The following USP3 variants were observed in gnomAD, a reference collection of about 807,000 sequenced individuals.
The protein encoded by USP3 is ubiquitin carboxyl-terminal hydrolase 3.
Under a neutral mutation model 72.3 loss-of-function variants are expected in USP3, and 20 were observed. The ratio of observed to expected loss-of-function variants is 0.28; its 90% confidence interval spans 0.19 to 0.40. The LOEUF (loss-of-function observed/expected upper bound fraction) is 0.40. USP3 is among the 10% of genes least tolerant of loss of function. The pLI is 1.00. For synonymous variants in USP3, 222 were observed against 225.3 expected (o/e 0.99, Z 0.13); for missense variants, 479 against 633.9 (o/e 0.76, Z 2.62).
chr15:63,563,466 C>G (rs1027491508), intron 8 of USP3, among the ~76,000 whole-genome samples: 3 of 152,228 alleles, frequency 2.0e-5, no homozygotes, highest in Admixed American at 6.5e-5. Context: ...CTGGGATGCA[C>G]TCTCCAGAAG....
chr15:63,504,958 G>A (rs2065689013), intron 1 of USP3, 128 bp downstream of exon 1: 4 of 596,214 alleles, frequency 6.7e-6, no homozygotes, highest in Non-Finnish European at 8.9e-6. Flanking sequence ...GGGCCCGGCG[G>A]GCTGGGGAGG....
chr15:63,536,971 T>G, intron 2 of USP3, 54 bp from the exon 3 acceptor site: 1 of 1,541,590 alleles, frequency 6.5e-7, no homozygotes, highest in South Asian at 1.2e-5. Context: ...CATTTCCTAC[T>G]CCTTTAATTT....
intron 11 of USP3, among the ~76,000 whole-genome samples, chr15:63,579,465 G>A (rs2066917697): frequency 1.3e-5 from 2 of 152,132 alleles, no homozygotes; most frequent in African/African-American, 2.4e-5. Flanking sequence ...TCAGTGGGAC[G>A]AATAAGAAAT....
At position 63,529,867 on chromosome 15, in the gene USP3, A is replaced by G. The variant is rs1469176157; in HGVS notation, c.92-2780A>G. On this transcript the variant is annotated intron_variant, in intron 1 of 14. Transcript: ENST00000380324. The surrounding 1 kb of genome is among the most constrained non-coding windows in gnomAD (Gnocchi z 4.2). ...GGGCCTAGGCCAGGTGCAGAGGCTC[A>G]TACCTATAATCTGGGCACTTTGGGA... 1.3e-5 allele frequency among the ~76,000 whole-genome samples: 2 copies of G among 152,250 alleles called. No homozygotes were observed. The highest frequency in any genetic ancestry group is 2.9e-5 in the Non-Finnish European group (2 of 68,036).
intron 2 of USP3, among the ~76,000 whole-genome samples, chr15:63,534,549 A>AT: frequency 6.6e-6 from 1 of 152,334 alleles, no homozygotes; most frequent in Admixed American, 6.5e-5. Flanking sequence ...TGAGGGAAAT[A>AT]TTTAATTTCC....
chr15:63,553,923 T>A lies in USP3; in HGVS notation c.368+125T>A. On this transcript the variant is annotated intron_variant, in intron 4 of 14. Coordinates refer to ENST00000380324, the MANE Select transcript of USP3 (RefSeq NM_006537.4). This position sits in a 1 kb window ranked among gnomAD's most constrained non-coding sequence, Gnocchi z 4.2. ...CATGTTTATAATATGATTGAAATGTTAATAAAATAAACCTTGGCTTTGGAT... is the reference window on the plus strand; with the variant it reads ...CATGTTTATAATATGATTGAAATGTAAATAAAATAAACCTTGGCTTTGGAT... The A allele has an allele frequency of 2.9e-6, 2 of 699,742 alleles. No homozygotes were observed. The highest frequency in any genetic ancestry group is 4.4e-6 in the Non-Finnish European group (2 of 449,808). 43.3% of individuals were successfully genotyped at this position (699,742 alleles called of 1,614,324 possible).
At position 63,588,871 on chromosome 15, in the gene USP3, A is replaced by C. The variant is rs2067127570; in HGVS notation, c.1329+56A>C. The C allele has an allele frequency of 6.2e-7, 1 of 1,610,392 alleles. No homozygotes were observed. Among genetic ancestry groups the C allele is most frequent in the Non-Finnish European group, 8.5e-7 (1 of 1,176,660 alleles). On this transcript the variant is annotated intron_variant, in intron 13 of 14. Transcript: ENST00000380324. The surrounding 1 kb of genome is among the most constrained non-coding windows in gnomAD (Gnocchi z 4.6). ...AAAATGGCTCTTCAGTAAGATTGTC[A>C]TCACATGGAGAGGGTAGAGGTCATC...
At position 63,557,424 on chromosome 15, in the gene USP3, G is replaced by T. The variant is rs973463466; in HGVS notation, c.450+676G>T. 2.6e-5 allele frequency among the ~76,000 whole-genome samples: 4 copies of T among 152,064 alleles called. No individual in the cohort carries two copies. The East Asian group carries it at 7.7e-4, about 29-fold the overall frequency. On this transcript the variant is annotated intron_variant, in intron 5 of 14. Transcript: ENST00000380324. ...ATTACAGGCACACGCCACCACGCCC[G>T]GCTAACTTTTTCTGTTTTAGTAGAG...
chr15:63,537,043 A>G lies in USP3; in HGVS notation c.171A>G (p.Ala57=), dbSNP rs746421914. The part of the protein sequence containing the change: ...VHCGRYVNGH[A]KKHYEDAQVP... ...TTGTAAGGTATGTGAATGGCCATGC[A>G]AAAAAACATTATGAAGATGCACAAG... is the stretch of plus-strand genomic sequence containing the variant. The change falls in exon 3 of 15, where the codon GCA becomes GCG. Residue 57 remains alanine (A), a synonymous_variant. Transcript: ENST00000380324. The G allele has an allele frequency of 4.3e-6, 7 of 1,613,006 alleles. 1 individual carries two copies. In the South Asian group the frequency reaches 4.4e-5, roughly 10 times the overall value.
chr15:63,505,253 TC>T (rs1429119190), intron 1 of USP3, among the ~76,000 whole-genome samples: 1 of 152,056 alleles, frequency 6.6e-6, no homozygotes, highest in Non-Finnish European at 1.5e-5. Flanking sequence ...GCCGCGCTTC[TC>T]CGCAGACAGG....
At chr15:63,589,436 T>G (rs550438350) in intron 14 of USP3, among the ~76,000 whole-genome samples, 29 of 152,320 alleles carry the variant, frequency 1.9e-4, no homozygotes, top group African/African-American at 6.7e-4. Context: ...AACCTTCTGG[T>G]TTTTGGTTTG....
At chr15:63,560,492 ACT>A (rs2066591073) in intron 7 of USP3, among the ~76,000 whole-genome samples, 1 of 151,778 alleles carries the variant, frequency 6.6e-6, no homozygotes, top group Non-Finnish European at 1.5e-5. Flanking sequence ...CTACTTATTG[ACT>A]CTGCAGATTT....
intron 1 of USP3, among the ~76,000 whole-genome samples, chr15:63,511,127 T>C (rs2065774494): frequency 6.6e-6 from 1 of 151,932 alleles, no homozygotes; most frequent in Non-Finnish European, 1.5e-5. Context: ...AATTAATTAT[T>C]CATCCTTGTA....
chr15:63,532,838 T>A (rs971910572), intron 2 of USP3, 131 bp downstream of exon 2: 1 of 927,022 alleles, frequency 1.1e-6, no homozygotes, highest in Middle Eastern at 2.2e-4. Flanking sequence ...CTGTAGGGCT[T>A]CCTTCTCCAG....
chr15:63,511,953 C>CT (rs58146448), intron 1 of USP3, among the ~76,000 whole-genome samples: 13,300 of 112,286 alleles, frequency 0.12, 1,201 homozygotes, highest in Middle Eastern at 0.19. Flanking sequence ...AACTGCAGAT[C>CT]TTTTTTTTTT....
chr15:63,575,699 C>T (rs1300224910), intron 11 of USP3, among the ~76,000 whole-genome samples: 1 of 152,098 alleles, frequency 6.6e-6, no homozygotes, highest in Non-Finnish European at 1.5e-5. Flanking sequence ...TATGTGTCTC[C>T]AAAACTGTTT....
intron 1 of USP3, among the ~76,000 whole-genome samples, chr15:63,514,340 TTGG>T: frequency 6.6e-6 from 1 of 152,324 alleles, no homozygotes; most frequent in Admixed American, 6.5e-5. Flanking sequence ...ACTCTTGGTT[TTGG>T]TTAAATAATT....
At chr15:63,534,988 G>A (rs1336969914) in intron 2 of USP3, among the ~76,000 whole-genome samples, 1 of 152,064 alleles carries the variant, frequency 6.6e-6, no homozygotes, top group African/African-American at 2.4e-5. Flanking sequence ...CTGCAGTGGA[G>A]TGGGGTGATC....
rs377232448 is a variant in USP3, at chr15:63,590,867, A to G, written c.*41A>G. The stretch of plus-strand genomic sequence containing the variant: ...ATCATTCACCAACCATACCAGAGAA[A>G]CATTTCCAGTTTTCCACAAATACTT... On this transcript the variant is annotated 3_prime_UTR_variant, in exon 15 of 15. Coordinates refer to ENST00000380324, the MANE Select transcript of USP3 (RefSeq NM_006537.4). The G allele has an allele frequency of 6.5e-6, 10 of 1,549,022 alleles. No individual in the cohort carries two copies. Among genetic ancestry groups the G allele is most frequent in the African/African-American group, 1.4e-5 (1 of 72,248 alleles).
Sources: allele counts gnomAD v4.1 joint callset (sites outside exome capture counted in the v4.1 genomes callset), GRCh38; gene constraint gnomAD v4.1.1; non-coding constraint Gnocchi (gnomAD v3.1); transcripts MANE v1.5; gene names NCBI Gene and HGNC (gene_info 2026-07-23, HGNC 2026-07-21).